The following ARHGEF10L variants were observed in gnomAD, a reference collection of about 807,000 sequenced individuals.
ARHGEF10L encodes the protein rho guanine nucleotide exchange factor 10-like protein.
ARHGEF10L carries 69 observed loss-of-function variants against 141.2 expected under a neutral mutation model. The ratio of observed to expected loss-of-function variants is 0.49; its 90% confidence interval spans 0.40 to 0.60. The LOEUF is 0.60. Ranked by LOEUF, ARHGEF10L falls within the 20% of genes least tolerant of loss-of-function variation. ARHGEF10L has a pLI of 0.00. For missense variants in ARHGEF10L, 1,482 were observed against 1,734.3 expected (o/e 0.85, Z 2.58); for synonymous variants, 711 against 718.5 (o/e 0.99, Z 0.17).
intron 1 of ARHGEF10L, among the ~76,000 whole-genome samples, chr1:17,552,587 T>TG: frequency 8.5e-6 from 1 of 117,910 alleles, no homozygotes; most frequent in Non-Finnish European, 2.0e-5. Context: ...TTTTTTTTTT[T>TG]TTTTTTTTTT....
intron 9 of ARHGEF10L, among the ~76,000 whole-genome samples, chr1:17,616,555 C>T (rs1410468290): frequency 6.6e-6 from 1 of 152,242 alleles, no homozygotes; most frequent in African/African-American, 2.4e-5. Context: ...TCCATCCACC[C>T]ATCTCTCCAA....
chr1:17,572,821 G>C (rs1243160953), intron 1 of ARHGEF10L, among the ~76,000 whole-genome samples: 2 of 152,274 alleles, frequency 1.3e-5, no homozygotes, highest in East Asian at 3.9e-4. Context: ...GAGGAGGTGA[G>C]CCTGACCCCT....
chr1:17,597,494 G>A (rs1344510775), intron 4 of ARHGEF10L, among the ~76,000 whole-genome samples: 2 of 152,172 alleles, frequency 1.3e-5, no homozygotes, highest in Non-Finnish European at 1.5e-5. Context: ...TTGCATGCGT[G>A]TCTTGAGCTG....
At chr1:17,647,101 A>G (rs1189746288) in intron 21 of ARHGEF10L, among the ~76,000 whole-genome samples, 2 of 152,096 alleles carry the variant, frequency 1.3e-5, no homozygotes, top group Admixed American at 1.3e-4. Context: ...TGCCTGCGAC[A>G]GAGCTACTCT....
At position 17,697,409 on chromosome 1, in the gene ARHGEF10L, G is replaced by T; in HGVS notation, c.*29G>T. 1 of 1,557,326 alleles carries T rather than the reference G, an allele frequency of 6.4e-7. No individual in the cohort carries two copies. The highest frequency in any genetic ancestry group is 8.7e-7 in the Non-Finnish European group (1 of 1,149,594). Reference sequence around the variant, plus strand: ...CTCCCCTCTCCCCTCAGAGGGCACAGCTGCAGGCCTGACCAAGGCCACGCC... The same window carrying T: ...CTCCCCTCTCCCCTCAGAGGGCACATCTGCAGGCCTGACCAAGGCCACGCC... On this transcript the variant is annotated 3_prime_UTR_variant, in exon 29 of 29. Coordinates refer to ENST00000361221, the MANE Select transcript of ARHGEF10L (RefSeq NM_018125.4). The surrounding 1 kb of genome is among the most constrained non-coding windows in gnomAD (Gnocchi z 4.8).
At chr1:17,561,625 C>T (rs1041314584) in intron 1 of ARHGEF10L, among the ~76,000 whole-genome samples, 5 of 152,246 alleles carry the variant, frequency 3.3e-5, no homozygotes, top group African/African-American at 9.6e-5. Context: ...CGATGCTGCA[C>T]TCCTAGCTCC....
At position 17,648,695 on chromosome 1, in the gene ARHGEF10L, C is replaced by T. The variant is rs2061735201; in HGVS notation, c.2394+20C>T. The T allele has an allele frequency of 6.2e-7, 1 of 1,607,900 alleles. No homozygotes were observed. The highest frequency in any genetic ancestry group is 1.3e-5 in the African/African-American group (1 of 74,810). On this transcript the variant is annotated intron_variant, in intron 22 of 28. Transcript: ENST00000361221. The stretch of plus-strand genomic sequence containing the variant: ...CTGCAGGTGAGTGGAGCGGATCTTG[C>T]TGAGCCGACCTCGAAGGTGGCTGCG...
chr1:17,692,397 T>A (rs2065171789), intron 27 of ARHGEF10L, among the ~76,000 whole-genome samples: 1 of 152,106 alleles, frequency 6.6e-6, no homozygotes, highest in African/African-American at 2.4e-5. Flanking sequence ...AGACCACACA[T>A]CCAACCAGGA....
At chr1:17,672,035 G>C (rs772107727) in intron 26 of ARHGEF10L, among the ~76,000 whole-genome samples, 1 of 152,174 alleles carries the variant, frequency 6.6e-6, no homozygotes, top group Non-Finnish European at 1.5e-5. Flanking sequence ...CCTGAAGCGC[G>C]TGCGGTCAGC....
In ARHGEF10L at chr1:17,611,627, G is replaced by T. The variant is rs910328670; in HGVS notation, c.610-1431G>T. Among the ~76,000 whole-genome samples, 3 of 151,710 alleles carry T rather than the reference G, an allele frequency of 2.0e-5. 1 individual carries two copies. The highest frequency in any genetic ancestry group is 4.4e-5 in the Non-Finnish European group (3 of 67,962). ...AATATTGAGCACTTGCAATTTAAAA[G>T]ATAATAATGGCTTCCATTTTTTGAA... On this transcript the variant is annotated intron_variant, in intron 7 of 28. Coordinates refer to ENST00000361221, the MANE Select transcript of ARHGEF10L (RefSeq NM_018125.4).
intron 1 of ARHGEF10L, among the ~76,000 whole-genome samples, chr1:17,551,315 TG>T (rs1245292664): frequency 6.7e-6 from 1 of 150,054 alleles, no homozygotes; most frequent in East Asian, 2.0e-4. Context: ...GGGCAACAGC[TG>T]AAGGGTGGGC....
At chr1:17,568,246 C>A (rs1429206669) in intron 1 of ARHGEF10L, among the ~76,000 whole-genome samples, 2 of 152,210 alleles carry the variant, frequency 1.3e-5, no homozygotes, top group Non-Finnish European at 2.9e-5. Flanking sequence ...ATTTATTGAG[C>A]ACTTACTGTG....
chr1:17,538,282 C>T (rs2076609592), upstream of ARHGEF10L, among the ~76,000 whole-genome samples: 1 of 152,162 alleles, frequency 6.6e-6, no homozygotes, highest in African/African-American at 2.4e-5. Flanking sequence ...CCAAACCTCT[C>T]CTGTCTGCTG....
At position 17,696,878 on chromosome 1, in the gene ARHGEF10L, G is replaced by T; in HGVS notation, c.3338G>T (p.Cys1113Phe). The change falls in exon 29 of 29, where the codon TGT (cysteine) becomes TTT (phenylalanine). Residue 1113 changes from cysteine to phenylalanine, a missense_variant. Coordinates refer to ENST00000361221, the MANE Select transcript of ARHGEF10L (RefSeq NM_018125.4). ...GKGMVSLNGH[C>F]GPVAFLAVAT... Reference sequence around the variant, plus strand: ...GGCATGGTCTCACTCAACGGGCACTGTGGGCCTGTGGCCTTCCTGGCTGTG... The same window carrying T: ...GGCATGGTCTCACTCAACGGGCACTTTGGGCCTGTGGCCTTCCTGGCTGTG... 3 of 1,590,760 alleles carry T rather than the reference G, an allele frequency of 1.9e-6. No homozygotes were observed. The highest frequency in any genetic ancestry group is 2.6e-6 in the Non-Finnish European group (3 of 1,167,742).
intron 1 of ARHGEF10L, among the ~76,000 whole-genome samples, chr1:17,540,575 G>A (rs1303934580): frequency 1.3e-5 from 2 of 152,162 alleles, no homozygotes; most frequent in Non-Finnish European, 1.5e-5. Context: ...GAGTCGCTGG[G>A]ATGGCCTCCG....
rs935543109 is a variant in ARHGEF10L at position 17,697,404 on chromosome 1, G to A, written c.*24G>A. On this transcript the variant is annotated 3_prime_UTR_variant, in exon 29 of 29. Coordinates refer to ENST00000361221, the MANE Select transcript of ARHGEF10L (RefSeq NM_018125.4). This position sits in a 1 kb window ranked among gnomAD's most constrained non-coding sequence, Gnocchi z 4.8. ...AGCGCCTCCCCTCTCCCCTCAGAGG[G>A]CACAGCTGCAGGCCTGACCAAGGCC... The A allele has an allele frequency of 1.9e-6, 3 of 1,562,634 alleles. No individual in the cohort carries two copies. Among genetic ancestry groups the A allele is most frequent in the Non-Finnish European group, 1.7e-6 (2 of 1,152,216 alleles).
the ARHGEF10L span, among the ~76,000 whole-genome samples, chr1:17,531,521 C>T: frequency 6.6e-6 from 1 of 152,176 alleles, no homozygotes. Flanking sequence ...ACTGTGTGAC[C>T]TTGGACAAGT....
chr1:17,652,198 G>A (rs1463984984), intron 22 of ARHGEF10L, among the ~76,000 whole-genome samples: 1 of 152,220 alleles, frequency 6.6e-6, no homozygotes, highest in Non-Finnish European at 1.5e-5. Context: ...CAGTGGATGA[G>A]GATGTGTTGG....
chr1:17,640,332 G>T, intron 21 of ARHGEF10L, 30 bp downstream of exon 21: 1 of 1,574,694 alleles, frequency 6.4e-7, no homozygotes, highest in African/African-American at 1.3e-5. Flanking sequence ...GAGTGCCTCA[G>T]GGGGCAGGGG....
Sources: allele counts gnomAD v4.1 joint callset (sites outside exome capture counted in the v4.1 genomes callset), GRCh38; gene constraint gnomAD v4.1.1; non-coding constraint Gnocchi (gnomAD v3.1); transcripts MANE v1.5; gene names NCBI Gene and HGNC (gene_info 2026-07-23, HGNC 2026-07-21).